Variants in KLHL1 observed in about 807,000 individuals in gnomAD.
KLHL1 encodes kelch like family member 1.
KLHL1 carries 47 observed loss-of-function variants against 77.7 expected under a neutral mutation model. That is an observed-to-expected ratio of 0.60 (90% CI 0.48 to 0.77). The LOEUF (loss-of-function observed/expected upper bound fraction) is 0.77, where lower values mean the gene tolerates loss of function less well. Ranked by LOEUF, KLHL1 falls within the 30% of genes least tolerant of loss-of-function variation. The pLI is 0.00. For missense variants in KLHL1, 925 were observed against 910.8 expected (o/e 1.02, Z -0.20); for synonymous variants, 360 against 325.2 (o/e 1.11, Z -1.15).
chr13:69,920,343 G>T (rs1021159494), intron 4 of KLHL1, among the ~76,000 whole-genome samples: 1 of 151,958 alleles, frequency 6.6e-6, no homozygotes, highest in Non-Finnish European at 1.5e-5. Context: ...AATGTTAAAA[G>T]ATCTGAAGCA....
At chr13:69,812,874 TG>T (rs1281944873) in intron 6 of KLHL1, among the ~76,000 whole-genome samples, 3 of 146,986 alleles carry the variant, frequency 2.0e-5, no homozygotes, top group African/African-American at 7.8e-5. Flanking sequence ...ACACTGTTGG[TG>T]GGACTGTAAA....
intron 1 of KLHL1, among the ~76,000 whole-genome samples, chr13:69,980,136 T>C (rs977003175): frequency 6.6e-6 from 1 of 152,198 alleles, no homozygotes; most frequent in Non-Finnish European, 1.5e-5. Flanking sequence ...TTCTTTACTC[T>C]CTCTGTACCA....
In KLHL1 at chr13:69,982,162, A is replaced by G. The variant is rs1029991015; in HGVS notation, c.498-6360T>C. Among the ~76,000 whole-genome samples, 12 of 151,950 alleles carry G rather than the reference A, an allele frequency of 7.9e-5. 1 individual carries two copies. Among genetic ancestry groups the G allele is most frequent in the African/African-American group, 2.9e-4 (12 of 41,406 alleles). On this transcript the variant is annotated intron_variant, in intron 1 of 10. Transcript: ENST00000377844. ...TATTATAGATACATTAAAAATAAAAAGTGGCTCATGCCTGTAATCCTAGCA... is the reference window on the plus strand; with the variant it reads ...TATTATAGATACATTAAAAATAAAAGGTGGCTCATGCCTGTAATCCTAGCA...
chr13:69,814,194 G>A (rs536183823), intron 6 of KLHL1, among the ~76,000 whole-genome samples: 3 of 152,050 alleles, frequency 2.0e-5, no homozygotes, highest in African/African-American at 2.4e-5. Flanking sequence ...CTTACCATAC[G>A]CAGAAAAATG....
chr13:69,882,196 C>G, intron 5 of KLHL1, 87 bp downstream of exon 5: 1 of 870,758 alleles, frequency 1.1e-6, no homozygotes, highest in Admixed American at 2.2e-5. Context: ...ATGTGAATAC[C>G]TAATTAAAAA....
intron 1 of KLHL1, among the ~76,000 whole-genome samples, chr13:70,101,323 A>G (rs1293910833): frequency 1.3e-5 from 2 of 152,090 alleles, no homozygotes; most frequent in South Asian, 2.1e-4. Context: ...TGCATCTTGT[A>G]TTTATATATA....
chr13:70,043,641 ATAACATTGTGTTACAATTGCC>A (rs1359763581), intron 1 of KLHL1, among the ~76,000 whole-genome samples: 1 of 152,220 alleles, frequency 6.6e-6, no homozygotes, highest in Non-Finnish European at 1.5e-5. Flanking sequence ...AGATACACAA[ATAACATTGTGTTACAATTGCC>A]TACAATATTC....
In KLHL1 at chr13:70,056,590, T is replaced by G. The variant is rs548064120; in HGVS notation, c.497+50613A>C. Among the ~76,000 whole-genome samples, 54 of 152,238 alleles carry G rather than the reference T, an allele frequency of 3.5e-4. No homozygotes were observed. In the East Asian group the frequency reaches 3.9e-3, roughly 11 times the overall value. ...ATATGACTGGCCACAAAACAAATCTTAAAACATTTAAAAATTGAAACTTTA... is the reference window on the plus strand; with the variant it reads ...ATATGACTGGCCACAAAACAAATCTGAAAACATTTAAAAATTGAAACTTTA... On this transcript the variant is annotated intron_variant, in intron 1 of 10. Coordinates refer to ENST00000377844, the MANE Select transcript of KLHL1 (RefSeq NM_020866.3).
chr13:69,817,139 G>A (rs1038485444), intron 6 of KLHL1, among the ~76,000 whole-genome samples: 30 of 151,852 alleles, frequency 2.0e-4, no homozygotes, highest in African/African-American at 4.6e-4. Context: ...AACATCATTC[G>A]CCAAAAATAA....
chr13:69,747,301 C>A (rs1461712501), intron 7 of KLHL1, among the ~76,000 whole-genome samples: 1 of 151,884 alleles, frequency 6.6e-6, no homozygotes, highest in African/African-American at 2.4e-5. Context: ...GTAATATAAT[C>A]TATTGTATTG....
chr13:69,772,613 A>G (rs771307545), intron 7 of KLHL1, among the ~76,000 whole-genome samples: 5 of 152,172 alleles, frequency 3.3e-5, no homozygotes, highest in Admixed American at 1.3e-4. Context: ...TATGTTGATC[A>G]ACACTAATTC....
chr13:70,021,218 A>G (rs1885782763), intron 1 of KLHL1, among the ~76,000 whole-genome samples: 3 of 152,090 alleles, frequency 2.0e-5, no homozygotes, highest in South Asian at 2.1e-4. Flanking sequence ...GAAACTTTTT[A>G]GTGTTTCCAT....
chr13:69,890,327 CAG>C (rs973942090), intron 4 of KLHL1, among the ~76,000 whole-genome samples: 4 of 151,954 alleles, frequency 2.6e-5, no homozygotes, highest in African/African-American at 9.7e-5. Flanking sequence ...ATTATCTAGA[CAG>C]AATATCAAAT....
chr13:69,853,627 T>G (rs138374964), intron 5 of KLHL1, among the ~76,000 whole-genome samples: 37 of 152,082 alleles, frequency 2.4e-4, no homozygotes, highest in Non-Finnish European at 3.8e-4. Flanking sequence ...AGATACATAC[T>G]GGAAGATAAG....
chr13:69,786,349 A>C (rs748762864), intron 7 of KLHL1, among the ~76,000 whole-genome samples: 11 of 152,244 alleles, frequency 7.2e-5, no homozygotes, highest in Non-Finnish European at 1.0e-4. Flanking sequence ...AGGCTGGTTC[A>C]ATATACGTGA....
intron 3 of KLHL1, among the ~76,000 whole-genome samples, chr13:69,942,675 G>A (rs1325368042): frequency 1.3e-5 from 2 of 152,074 alleles, no homozygotes; most frequent in African/African-American, 4.8e-5. Context: ...CTATATGTAT[G>A]TGTATGTGTG....
chr13:69,902,840 G>A (rs962824935), intron 4 of KLHL1, among the ~76,000 whole-genome samples: 2 of 152,062 alleles, frequency 1.3e-5, no homozygotes, highest in Admixed American at 6.5e-5. Context: ...CACCAACATA[G>A]CACATGTATA....
intron 10 of KLHL1, among the ~76,000 whole-genome samples, chr13:69,706,827 G>A (rs901787679): frequency 2.6e-5 from 4 of 151,932 alleles, no homozygotes; most frequent in African/African-American, 9.7e-5. Flanking sequence ...TAGCTATGCA[G>A]CTAAGATGTT....
At chr13:69,719,668 G>A in intron 8 of KLHL1, 87 bp from the exon 9 acceptor site, 2 of 963,526 alleles carry the variant, frequency 2.1e-6, no homozygotes, top group Non-Finnish European at 3.1e-6. Flanking sequence ...AATTTTCACA[G>A]TATGAGGCTC....
Sources: allele counts gnomAD v4.1 joint callset (sites outside exome capture counted in the v4.1 genomes callset), GRCh38; gene constraint gnomAD v4.1.1; transcripts MANE v1.5; gene names NCBI Gene and HGNC (gene_info 2026-07-23, HGNC 2026-07-21).